Variants in RNASET2 observed in about 807,000 individuals in gnomAD.
The protein encoded by RNASET2 is ribonuclease 6.
Under a neutral mutation model 33.9 loss-of-function variants are expected in RNASET2, and 28 were observed. That is an observed-to-expected ratio of 0.83 (90% CI 0.61 to 1.13). RNASET2 has a LOEUF of 1.13. Among genes scored for constraint, RNASET2 ranks in the 50% most tolerant of loss-of-function variants. The probability of loss-of-function intolerance (pLI) is 0.00; values close to 1 mark genes in which losing one functional copy is unlikely to be tolerated. For missense variants in RNASET2, 330 were observed against 319.9 expected (o/e 1.03, Z -0.24); for synonymous variants, 123 against 121.0 (o/e 1.02, Z -0.11).
chr6:166,938,662 G>A (rs1402261303), intron 6 of RNASET2: 2 of 748,898 alleles, frequency 2.7e-6, no homozygotes, highest in African/African-American at 1.7e-5. Context: ...GTGCCCAGAT[G>A]GGCATCCCAA....
chr6:166,943,550 A>T (rs913578180), intron 4 of RNASET2: 3 of 290,790 alleles, frequency 1.0e-5, no homozygotes, highest in South Asian at 8.5e-5. Context: ...CAAGGGGAGG[A>T]AGAAGGGGAG....
Position 166,922,821 on chromosome 6 carries a change from AT to A in RNASET2, c.*6766del. Among the ~76,000 whole-genome samples, 2 of 152,184 alleles carry A rather than the reference AT, an allele frequency of 1.3e-5. No homozygotes were observed. The highest frequency in any genetic ancestry group is 2.9e-5 in the Non-Finnish European group (2 of 68,020). On this transcript the variant is annotated 3_prime_UTR_variant, in exon 9 of 9. Transcript: ENST00000508775. ...CATCTCAGGGTGCAGTCCAAGACAT[AT>A]GGTCATCAAGACAGAAGAGCAGATG...
intron 4 of RNASET2, chr6:166,944,079 C>T (rs1359091084): frequency 1.2e-5 from 2 of 160,666 alleles, no homozygotes; most frequent in Non-Finnish European, 2.7e-5. Context: ...GAGATTGCGC[C>T]ACTGCACTCC....
chr6:166,950,404 G>C (rs751814662), intron 2 of RNASET2, among the ~76,000 whole-genome samples: 1 of 152,216 alleles, frequency 6.6e-6, no homozygotes, highest in Non-Finnish European at 1.5e-5. Flanking sequence ...GGGCAATCTC[G>C]TGTACAGAAG....
intron 7 of RNASET2, chr6:166,931,738 G>A: frequency 6.2e-6 from 1 of 161,226 alleles, no homozygotes; most frequent in Non-Finnish European, 1.4e-5. Flanking sequence ...GAGGACACCT[G>A]CATCCTCTCA....
intron 6 of RNASET2, among the ~76,000 whole-genome samples, chr6:166,936,355 G>GTA (rs1178980084): frequency 6.6e-6 from 1 of 151,186 alleles, no homozygotes; most frequent in African/African-American, 2.4e-5. Context: ...TGTGTCGTGT[G>GTA]TGTGTGTGTG....
intron 7 of RNASET2, chr6:166,931,480 G>A (rs187331000): frequency 3.4e-4 from 117 of 348,650 alleles, no homozygotes; most frequent in Middle Eastern, 9.5e-4. Flanking sequence ...TGCCTTTCGC[G>A]GCCCATAAAG....
At chr6:166,939,058 G>T in intron 5 of RNASET2, 50 bp from the exon 6 acceptor site, 1 of 1,329,744 alleles carries the variant, frequency 7.5e-7, no homozygotes, top group Non-Finnish European at 1.1e-6. Flanking sequence ...AACAGGCTGC[G>T]TGCAGTGGCT....
At position 166,946,647 on chromosome 6, in the gene RNASET2, C is replaced by T. The variant is rs373038850; in HGVS notation, c.261+35G>A. 6.8e-5 allele frequency: 78 copies of T among 1,155,436 alleles called. No homozygotes were observed. In the Middle Eastern group the frequency reaches 1.1e-3, roughly 16 times the overall value. The allele number at this position is 1,155,436 out of a possible 1,614,324, so 71.6% of individuals were successfully genotyped here. ...GAAGAAAAGAGTTAATCTAGGTCAA[C>T]ACTCTGCAGTAGAAATATAATTAAA... is the stretch of plus-strand genomic sequence containing the variant. On this transcript the variant is annotated intron_variant, in intron 4 of 8. Coordinates refer to ENST00000508775, the MANE Select transcript of RNASET2 (RefSeq NM_003730.6).
intron 6 of RNASET2, chr6:166,935,147 G>A (rs770491161): frequency 3.3e-5 from 5 of 151,756 alleles, no homozygotes; most frequent in Non-Finnish European, 7.4e-5. Context: ...ATCATGGCCC[G>A]AACCCACAGG....
At chr6:166,948,204 G>A (rs545553963) in intron 3 of RNASET2, among the ~76,000 whole-genome samples, 1 of 152,214 alleles carries the variant, frequency 6.6e-6, no homozygotes, top group African/African-American at 2.4e-5. Flanking sequence ...AAAATAGCCG[G>A]GTGTGGTGGG....
At chr6:166,939,077 T>C in intron 5 of RNASET2, 69 bp from the exon 6 acceptor site, 3 of 1,124,012 alleles carry the variant, frequency 2.7e-6, no homozygotes, top group East Asian at 2.3e-5. Context: ...CTCATGCCTG[T>C]AATCCCAACA....
chr6:166,924,018 A>G lies in RNASET2; in HGVS notation c.*5570T>C, dbSNP rs1333952619. Among the ~76,000 whole-genome samples, 4 of 152,382 alleles carry G rather than the reference A, an allele frequency of 2.6e-5. No homozygotes were observed. Among genetic ancestry groups the G allele is most frequent in the Non-Finnish European group, 5.9e-5 (4 of 68,034 alleles). On this transcript the variant is annotated 3_prime_UTR_variant, in exon 9 of 9. Coordinates refer to ENST00000508775, the MANE Select transcript of RNASET2 (RefSeq NM_003730.6). ...GTTCGCAGAAACAAAAAGTGAAAAC[A>G]GGCGATCTGCATGTTTCCTCATCTG...
chr6:166,931,054 G>A lies in RNASET2; in HGVS notation c.557C>T (p.Pro186Leu). The change falls in exon 8 of 9, where the codon CCA (proline) becomes CTA (leucine). Residue 186 changes from proline (P) to leucine (L), a missense_variant. Physicochemically the swap from Pro to Leu is moderately conservative, Grantham distance 98. Coordinates refer to ENST00000508775, the MANE Select transcript of RNASET2 (RefSeq NM_003730.6). ...YGVIPKIQCL[P>L]PSQDEEVQTI... ...ACATAACTGTCTAACCTGGCTTGGT[G>A]GAAGGCACTGGATTTTGGGTATCAC... The A allele has an allele frequency of 1.2e-6, 2 of 1,611,028 alleles. No individual in the cohort carries two copies. The highest frequency in any genetic ancestry group is 1.3e-5 in the African/African-American group (1 of 74,952).
chr6:166,955,743 T>A lies in RNASET2; in HGVS notation c.86+354A>T, dbSNP rs547874334. 83 of 1,129,094 alleles carry A rather than the reference T, an allele frequency of 7.4e-5. 1 individual carries two copies. In the South Asian group the frequency reaches 1.6e-3, roughly 22 times the overall value. 69.9% of individuals were successfully genotyped at this position (1,129,094 alleles called of 1,614,324 possible). A position where few individuals can be genotyped will look rare whatever the true frequency, so the allele number is the denominator to read the frequency against. ...AGTGTTCAGGGCTCCCCAACCCACT[T>A]CTTCCCAGGAGTCACCCCAGAGCGT... is the stretch of plus-strand genomic sequence containing the variant. On this transcript the variant is annotated intron_variant, in intron 1 of 8. Coordinates refer to ENST00000508775, the MANE Select transcript of RNASET2 (RefSeq NM_003730.6).
At chr6:166,938,002 A>G (rs965237945) in intron 6 of RNASET2, among the ~76,000 whole-genome samples, 6 of 152,208 alleles carry the variant, frequency 3.9e-5, no homozygotes, top group Admixed American at 1.3e-4. Flanking sequence ...ACATGTCTAG[A>G]TAAGCAATGG....
chr6:166,955,351 G>GCA lies in RNASET2; in HGVS notation c.86+744_86+745dup, dbSNP rs112980077. On this transcript the variant is annotated intron_variant, in intron 1 of 8. Transcript: ENST00000508775. ...CGCACGCACGCACACGCACACGCAC[G>GCA]CACACACACACGCACACACAAACGC... 2.7e-4 allele frequency: 29 copies of GCA among 107,770 alleles called. 1 individual carries two copies. The highest frequency in any genetic ancestry group is 8.0e-4 in the South Asian group (1 of 1,246). 6.7% of individuals were successfully genotyped at this position (107,770 alleles called of 1,614,324 possible).
chr6:166,933,891 CT>C lies in RNASET2; in HGVS notation c.492+199del. On this transcript the variant is annotated intron_variant, in intron 7 of 8. Transcript: ENST00000508775. The surrounding 1 kb of genome is among the most constrained non-coding windows in gnomAD (Gnocchi z 4.1). ...CCATGAAATCTGTGCTTCCAAATCA[CT>C]GGTCTAAGCAGCCTTCAGCTCCTAC... 1 of 606,066 alleles carries C rather than the reference CT, an allele frequency of 1.6e-6. No homozygotes were observed. The allele number at this position is 606,066 out of a possible 1,614,324, so 37.5% of individuals were successfully genotyped here. A position where few individuals can be genotyped will look rare whatever the true frequency, so the allele number is the denominator to read the frequency against.
chr6:166,952,532 T>C lies in RNASET2; in HGVS notation c.103A>G (p.Lys35Glu). The C allele has an allele frequency of 6.2e-7, 1 of 1,613,670 alleles. No individual in the cohort carries two copies. The highest frequency in any genetic ancestry group is 2.2e-5 in the East Asian group (1 of 44,884). The change falls in exon 2 of 9, where the codon AAA becomes GAA. Residue 35 changes from lysine (K) to glutamate (E), a missense_variant. Physicochemically the swap from Lys to Glu is moderately conservative, Grantham distance 56. Coordinates refer to ENST00000508775, the MANE Select transcript of RNASET2 (RefSeq NM_003730.6). ...DKRLRDNHEWKKLIMVQHWPE... is the reference protein window; with the variant it reads ...DKRLRDNHEWEKLIMVQHWPE... ...CAGTGCTGAACCATAATTAGTTTTT[T>C]CCACTCATGGTTGTCACTGTTAAAA...
Sources: gnomAD v4.1 joint callset for allele counts (sites outside exome capture counted in the v4.1 genomes callset) on GRCh38, gnomAD v4.1.1 for gene constraint, Gnocchi (gnomAD v3.1) non-coding constraint, MANE v1.5 for transcripts, NCBI Gene and HGNC (gene_info 2026-07-23, HGNC 2026-07-21) for gene names.